Variants in LRP4 observed in about 807,000 individuals in gnomAD.
The protein encoded by LRP4 is low-density lipoprotein receptor-related protein 4.
Under a neutral mutation model 220.3 loss-of-function variants are expected in LRP4, and 95 were observed. The observed-to-expected ratio is 0.43, with a 90% CI of 0.37 to 0.51. The LOEUF (loss-of-function observed/expected upper bound fraction) is 0.51. LRP4 is among the 20% of genes least tolerant of loss of function. LRP4 has a pLI of 0.00. For missense variants in LRP4, 1,925 were observed against 2,567.0 expected, an observed-to-expected ratio of 0.75 and a Z score of 5.40; for synonymous variants, 903 against 954.6, an observed-to-expected ratio of 0.95 and a Z score of 1.00.
Position 46,890,320 on chromosome 11 carries a change from C to A in LRP4, c.1872G>T (p.Arg624Ser). 1 of 1,614,126 alleles carries A rather than the reference C, an allele frequency of 6.2e-7. No individual in the cohort carries two copies. Among genetic ancestry groups the A allele is most frequent in the Non-Finnish European group, 8.5e-7 (1 of 1,180,024 alleles). Reference protein sequence around the residue: ...WVDAKHHVIERANLDGSHRKA... With the variant: ...WVDAKHHVIESANLDGSHRKA... ...TACGGTGACTCCCATCCAGATTGGCCCTCTCGATGACATGGTGCTTAGCAT... is the reference window on the plus strand; with the variant it reads ...TACGGTGACTCCCATCCAGATTGGCACTCTCGATGACATGGTGCTTAGCAT... The change falls in exon 14 of 38, where the codon AGG becomes AGT. Residue 624 changes from arginine to serine, a missense_variant. By Grantham distance (110) the Arg-to-Ser change is moderately radical. Transcript: ENST00000378623. This position sits in a 1 kb window ranked among gnomAD's most constrained non-coding sequence, Gnocchi z 5.3.
chr11:46,893,328 C>A (rs1941460826), intron 12 of LRP4, among the ~76,000 whole-genome samples, 199 bp from the exon 13 acceptor site: 1 of 152,198 alleles, frequency 6.6e-6, no homozygotes, highest in Admixed American at 6.5e-5. Context: ...GAAATTGAGG[C>A]ACAAAAGAGT....
intron 13 of LRP4, among the ~76,000 whole-genome samples, chr11:46,892,016 G>A (rs560658770): frequency 6.6e-6 from 1 of 152,106 alleles, no homozygotes; most frequent in Non-Finnish European, 1.5e-5. Context: ...CTGCAACCTC[G>A]ACCTCCCAGT....
chr11:46,895,752 C>T, intron 10 of LRP4, 132 bp downstream of exon 10: 2 of 1,288,112 alleles, frequency 1.6e-6, no homozygotes, highest in South Asian at 2.4e-5. Context: ...GGATGATCCC[C>T]ACCTCCTAGG....
At chr11:46,888,045 CG>C (rs138319793) in intron 16 of LRP4, among the ~76,000 whole-genome samples, 15,735 of 101,750 alleles carry the variant, frequency 0.15, 2,089 homozygotes, top group East Asian at 0.64. Context: ...AAAAAAAGGC[CG>C]GGGGCGGTGG....
chr11:46,873,150 G>A lies in LRP4; in HGVS notation c.4533C>T (p.Asn1511=), dbSNP rs1216465733. ...LDGSERKVLI[N]TDLGWPNGLT... ...GGCCATTGGGCCAACCCAGGTCTGT[G>A]TTGATGAGGACCTTCCGCTCAGAAC... Residue 1511 remains asparagine (N), a synonymous_variant, in exon 30 of 38, where the codon AAC becomes AAT. Coordinates refer to ENST00000378623, the MANE Select transcript of LRP4 (RefSeq NM_002334.4). The surrounding 1 kb of genome is among the most constrained non-coding windows in gnomAD (Gnocchi z 4.2). 5 of 1,614,216 alleles carry A rather than the reference G, an allele frequency of 3.1e-6. No homozygotes were observed. The East Asian group carries it at 6.7e-5, about 22-fold the overall frequency.
chr11:46,861,671 AC>A (rs1304635234), intron 37 of LRP4, among the ~76,000 whole-genome samples: 1 of 151,800 alleles, frequency 6.6e-6, no homozygotes, highest in African/African-American at 2.4e-5. Flanking sequence ...GACTACAGGC[AC>A]AAGCCACCAC....
Position 46,890,317 on chromosome 11 carries a change from G to A in LRP4, c.1875C>T (p.Ala625=). 1 of 1,614,136 alleles carries A rather than the reference G, an allele frequency of 6.2e-7. No individual in the cohort carries two copies. The highest frequency in any genetic ancestry group is 8.5e-7 in the Non-Finnish European group (1 of 1,180,024). ...VDAKHHVIER[A]NLDGSHRKAV... is the part of the protein sequence containing the mutation. ...CCTTACGGTGACTCCCATCCAGATT[G>A]GCCCTCTCGATGACATGGTGCTTAG... Residue 625 remains alanine (A), a synonymous_variant, in exon 14 of 38, where the codon GCC becomes GCT. Coordinates refer to ENST00000378623, the MANE Select transcript of LRP4 (RefSeq NM_002334.4). This position sits in a 1 kb window ranked among gnomAD's most constrained non-coding sequence, Gnocchi z 5.3.
chr11:46,868,205 A>G, intron 33 of LRP4, 91 bp from the exon 34 acceptor site: 1 of 1,510,374 alleles, frequency 6.6e-7, no homozygotes, highest in Non-Finnish European at 9.1e-7. Flanking sequence ...TGACAAAACA[A>G]TCTTTTAGCT....
intron 37 of LRP4, among the ~76,000 whole-genome samples, chr11:46,861,370 T>A (rs181826775): frequency 1.4e-4 from 21 of 152,214 alleles, no homozygotes; most frequent in Non-Finnish European, 2.5e-4. Flanking sequence ...GTTCTGACTG[T>A]GCTAGATAGG....
chr11:46,900,085 G>A, intron 3 of LRP4, 109 bp from the exon 4 acceptor site: 1 of 1,028,584 alleles, frequency 9.7e-7, no homozygotes, highest in Admixed American at 1.8e-5. Flanking sequence ...TGCCCTGAGG[G>A]CTCCGAAGGA....
At chr11:46,876,431 C>T (rs1941019991) in intron 25 of LRP4, 35 bp downstream of exon 25, 1 of 1,613,048 alleles carries the variant, frequency 6.2e-7, no homozygotes, top group South Asian at 1.1e-5. Flanking sequence ...GAGCTGGCCC[C>T]CCACACTACC....
At chr11:46,907,281 G>A (rs1941777047) in intron 1 of LRP4, among the ~76,000 whole-genome samples, 1 of 152,200 alleles carries the variant, frequency 6.6e-6, no homozygotes, top group Admixed American at 6.5e-5. Context: ...TATGGAAAAG[G>A]TCTGTCCGCA....
At chr11:46,902,156 G>A (rs961129533) in intron 2 of LRP4, among the ~76,000 whole-genome samples, 4 of 151,684 alleles carry the variant, frequency 2.6e-5, no homozygotes, top group East Asian at 1.9e-4. Flanking sequence ...TCATGAGTTC[G>A]AGACCAGCCT....
intron 1 of LRP4, among the ~76,000 whole-genome samples, chr11:46,913,704 CAGG>C (rs1395115024): frequency 1.3e-5 from 2 of 152,120 alleles, no homozygotes; most frequent in South Asian, 2.1e-4. Flanking sequence ...GGAATCTTAG[CAGG>C]AGAAGTTGCT....
Position 46,859,011 on chromosome 11 carries a change from C to T in LRP4, c.5690G>A (p.Arg1897His), listed in dbSNP as rs944605592. Residue 1897 changes from arginine to histidine, a missense_variant, in exon 38 of 38, where the codon CGC (arginine) becomes CAC (histidine). Physicochemically the swap from Arg to His is conservative, Grantham distance 29. Transcript: ENST00000378623. ...SLPDTGWKHE[R>H]KLSSESQV ...GACCTGGCTCTCTGAGGAGAGCTTG[C>T]GTTCATGTTTCCAGCCCGTGTCTGG... is the stretch of plus-strand genomic sequence containing the variant. 3.7e-6 allele frequency: 6 copies of T among 1,614,076 alleles called. No individual in the cohort carries two copies. The highest frequency in any genetic ancestry group is 2.7e-5 in the African/African-American group (2 of 75,024).
rs777417258 is a variant in LRP4 at position 46,874,932 on chromosome 11, C to T, written c.4097G>A (p.Arg1366His). The T allele has an allele frequency of 8.7e-6, 14 of 1,614,024 alleles. No homozygotes were observed. Among genetic ancestry groups the T allele is most frequent in the South Asian group, 2.2e-5 (2 of 91,082 alleles). Reference protein sequence around the residue: ...LLFSSRGSIRRISLDTSDHTD... With the variant: ...LLFSSRGSIRHISLDTSDHTD... Reference sequence around the variant, plus strand: ...GTGGTCACTGGTGTCCAGTGAGATACGCCGGATGGAGCCACGGCTGGAGAA... The same window carrying T: ...GTGGTCACTGGTGTCCAGTGAGATATGCCGGATGGAGCCACGGCTGGAGAA... Residue 1366 changes from arginine (R) to histidine (H), a missense_variant, in exon 28 of 38, where the codon CGT (arginine) becomes CAT (histidine). Physicochemically the swap from Arg to His is conservative, Grantham distance 29. Coordinates refer to ENST00000378623, the MANE Select transcript of LRP4 (RefSeq NM_002334.4).
At chr11:46,880,140 A>G (rs188533348) in intron 20 of LRP4, among the ~76,000 whole-genome samples, 1 of 152,152 alleles carries the variant, frequency 6.6e-6, no homozygotes, top group East Asian at 1.9e-4. Flanking sequence ...TGCAAATGTC[A>G]ATAAAGTCAC....
At chr11:46,897,490 C>A (rs1362991222) in intron 7 of LRP4, among the ~76,000 whole-genome samples, 1 of 149,744 alleles carries the variant, frequency 6.7e-6, no homozygotes, top group African/African-American at 2.5e-5. Context: ...GAACAAAGGT[C>A]TCTGGTTTTC....
At chr11:46,877,084 A>C in intron 23 of LRP4, 115 bp downstream of exon 23, 2 of 1,213,378 alleles carry the variant, frequency 1.6e-6, no homozygotes, top group Non-Finnish European at 2.4e-6. Flanking sequence ...GCCAGAGGGA[A>C]TGGGGAACAA....
Sources: allele counts gnomAD v4.1 joint callset (sites outside exome capture counted in the v4.1 genomes callset), GRCh38; gene constraint gnomAD v4.1.1; non-coding constraint Gnocchi (gnomAD v3.1); transcripts MANE v1.5; gene names NCBI Gene and HGNC (gene_info 2026-07-23, HGNC 2026-07-21).